FBXL2: variants seen among roughly 807,000 people sequenced by gnomAD.
The protein encoded by FBXL2 is F-box and leucine rich repeat protein 2, also known as F-box/LRR-repeat protein 2.
In FBXL2, 38 loss-of-function variants were observed where a neutral mutation model predicts 69.2. That is an observed-to-expected ratio of 0.55 (90% CI 0.42 to 0.72). The LOEUF (loss-of-function observed/expected upper bound fraction) is 0.72, where lower values mean the gene tolerates loss of function less well. Among genes scored for constraint, FBXL2 ranks in the 30% least tolerant of loss-of-function variants. FBXL2 has a pLI of 0.00. For missense variants in FBXL2, 354 were observed against 520.3 expected (o/e 0.68, Z 3.11); for synonymous variants, 192 against 201.3 (o/e 0.95, Z 0.39).
intron 4 of FBXL2, among the ~76,000 whole-genome samples, chr3:33,361,048 C>T (rs1429865220): frequency 6.8e-6 from 1 of 147,942 alleles, no homozygotes; most frequent in Non-Finnish European, 1.5e-5. Flanking sequence ...TCTCCTGCCT[C>T]AGCCTCCCAT....
At chr3:33,294,018 G>A (rs145829608) in intron 1 of FBXL2, among the ~76,000 whole-genome samples, 13 of 152,270 alleles carry the variant, frequency 8.5e-5, no homozygotes, top group Non-Finnish European at 1.6e-4. Flanking sequence ...ATAATACTAA[G>A]TATCTTCTTG....
chr3:33,377,441 G>A lies in FBXL2; in HGVS notation c.849+108G>A, dbSNP rs1005115921. 125 of 1,041,942 alleles carry A rather than the reference G, an allele frequency of 1.2e-4. No homozygotes were observed. The African/African-American group carries it at 1.7e-3, about 14-fold the overall frequency. 64.5% of individuals were successfully genotyped at this position (1,041,942 alleles called of 1,614,324 possible). A position where few individuals can be genotyped will look rare whatever the true frequency, so the allele number is the denominator to read the frequency against. ...AAAAGACTACCTTCAGAAAAGACAG[G>A]CACAAAGTAGAGTAGAACCCTTGGG... On this transcript the variant is annotated intron_variant, in intron 11 of 14. Transcript: ENST00000484457.
chr3:33,411,875 G>A, the FBXL2 span, among the ~76,000 whole-genome samples: 355 of 150,586 alleles, frequency 2.4e-3, no homozygotes, highest in African/African-American at 7.4e-3. Flanking sequence ...CCCCTACCAT[G>A]GTTTGTATTT....
chr3:33,377,871 T>C (rs2042747798), intron 11 of FBXL2, among the ~76,000 whole-genome samples: 1 of 152,152 alleles, frequency 6.6e-6, no homozygotes, highest in African/African-American at 2.4e-5. Flanking sequence ...TCTTTACAAG[T>C]TGAGAGAAGG....
chr3:33,364,699 T>G lies in FBXL2; in HGVS notation c.270T>G (p.Gly90=). The change falls in exon 5 of 15, where the codon GGT becomes GGG. Residue 90 remains glycine, a synonymous_variant. Coordinates refer to ENST00000484457, the MANE Select transcript of FBXL2 (RefSeq NM_012157.5). ...AGCTCAGCTTGCGAGGCTGCATTGG[T>G]GTTGGGGATTCCTCCTTGAAGTAAG... The part of the protein sequence containing the change: ...LRKLSLRGCI[G]VGDSSLKTFA... The G allele has an allele frequency of 6.2e-7, 1 of 1,614,038 alleles. No individual in the cohort carries two copies. Among genetic ancestry groups the G allele is most frequent in the Non-Finnish European group, 8.5e-7 (1 of 1,179,936 alleles).
chr3:33,300,262 T>C (rs570530991), intron 2 of FBXL2, among the ~76,000 whole-genome samples: 1 of 152,304 alleles, frequency 6.6e-6, no homozygotes, highest in African/African-American at 2.4e-5. Flanking sequence ...TGTCTGTTGA[T>C]ACCAAAAAAA....
At position 33,375,783 on chromosome 3, in the gene FBXL2, C is replaced by T. The variant is rs2042595783; in HGVS notation, c.788+365C>T. ...ATGAGCTTCTCCTCCAGAACTGCTGCCAAATGGACAGAATGAGGGGAATAT... is the reference window on the plus strand; with the variant it reads ...ATGAGCTTCTCCTCCAGAACTGCTGTCAAATGGACAGAATGAGGGGAATAT... On this transcript the variant is annotated intron_variant, in intron 10 of 14. Coordinates refer to ENST00000484457, the MANE Select transcript of FBXL2 (RefSeq NM_012157.5). Among the ~76,000 whole-genome samples, 3 of 152,136 alleles carry T rather than the reference C, an allele frequency of 2.0e-5. No individual in the cohort carries two copies. In the South Asian group the frequency reaches 6.2e-4, roughly 32 times the overall value.
At chr3:33,420,289 A>G in the FBXL2 span, among the ~76,000 whole-genome samples, 1 of 152,200 alleles carries the variant, frequency 6.6e-6, no homozygotes, top group Non-Finnish European at 1.5e-5. Context: ...TCCAATAAAC[A>G]TGCTGTTTCT....
rs2043513426 is a variant in FBXL2 at position 33,387,331 on chromosome 3, GT to G, written c.*1724del. 6.6e-6 allele frequency: 1 copy of G among 152,254 alleles called. No homozygotes were observed. Among genetic ancestry groups the G allele is most frequent in the African/African-American group, 2.4e-5 (1 of 41,466 alleles). 9.4% of individuals were successfully genotyped at this position (152,254 alleles called of 1,614,324 possible). On this transcript the variant is annotated 3_prime_UTR_variant, in exon 15 of 15. Coordinates refer to ENST00000484457, the MANE Select transcript of FBXL2 (RefSeq NM_012157.5). ...AAAAATTAACTTAAGGCTGGCCACG[GT>G]GGTTCATGCCTATAATCCCAGCACT...
At chr3:33,407,743 G>A (rs1014092915), downstream of FBXL2, among the ~76,000 whole-genome samples, 3 of 152,138 alleles carry the variant, frequency 2.0e-5, no homozygotes, top group Admixed American at 6.5e-5. Context: ...CAGCAATTGC[G>A]ATATGTGTAA....
chr3:33,285,248 T>C (rs1233792474), intron 1 of FBXL2, among the ~76,000 whole-genome samples: 2 of 152,200 alleles, frequency 1.3e-5, no homozygotes, highest in African/African-American at 4.8e-5. Context: ...GGTGACAAAA[T>C]CTCTCAGCAT....
rs138269886 is a variant in FBXL2, at chr3:33,277,459, C to T, written c.-54C>T. ...TGGCTGGCGTCACCAGGACAACGGG[C>T]GTCGCCGGCGCCGTGTGACTTCGGG... On this transcript the variant is annotated 5_prime_UTR_variant, in exon 1 of 15. Transcript: ENST00000484457. 18 of 1,265,094 alleles carry T rather than the reference C, an allele frequency of 1.4e-5. No homozygotes were observed. The highest frequency in any genetic ancestry group is 8.2e-5 in the Admixed American group (2 of 24,418). The allele number at this position is 1,265,094 out of a possible 1,614,324, so 78.4% of individuals were successfully genotyped here. A position where few individuals can be genotyped will look rare whatever the true frequency, so the allele number is the denominator to read the frequency against.
chr3:33,360,032 C>T (rs989363972), intron 4 of FBXL2, among the ~76,000 whole-genome samples: 4 of 152,068 alleles, frequency 2.6e-5, no homozygotes, highest in African/African-American at 9.7e-5. Context: ...AAAAAAAGAG[C>T]ATTGTACTTA....
downstream of FBXL2, chr3:33,388,415 T>C (rs1260666941): frequency 6.6e-6 from 1 of 152,638 alleles, no homozygotes; most frequent in Non-Finnish European, 1.5e-5. Context: ...ACAAATTTGC[T>C]GGTGCCAAAA....
At chr3:33,372,071 A>T (rs1387643371) in intron 5 of FBXL2, among the ~76,000 whole-genome samples, 1 of 152,050 alleles carries the variant, frequency 6.6e-6, no homozygotes, top group African/African-American at 2.4e-5. Context: ...GCATACATTG[A>T]TCAGTGTGGT....
intron 2 of FBXL2, among the ~76,000 whole-genome samples, chr3:33,340,919 AGAAGAG>A (rs1200003295): frequency 2.7e-5 from 4 of 145,844 alleles, no homozygotes; most frequent in Non-Finnish European, 4.5e-5. Context: ...AAAAAAAAAA[AGAAGAG>A]GAAGTATTTA....
chr3:33,385,465 T>C, intron 14 of FBXL2, 36 bp from the exon 15 acceptor site: 1 of 1,511,784 alleles, frequency 6.6e-7, no homozygotes, highest in African/African-American at 1.4e-5. Flanking sequence ...AAAATAGTAA[T>C]GTGTAAAGAC....
At chr3:33,406,774 C>A (rs2044439475), downstream of FBXL2, among the ~76,000 whole-genome samples, 1 of 152,170 alleles carries the variant, frequency 6.6e-6, no homozygotes, top group Non-Finnish European at 1.5e-5. Flanking sequence ...AACACAGTCC[C>A]TCCCCAGGTA....
chr3:33,363,953 G>A (rs2154043049), intron 4 of FBXL2, among the ~76,000 whole-genome samples: 1 of 152,188 alleles, frequency 6.6e-6, no homozygotes, highest in South Asian at 2.1e-4. Flanking sequence ...GGGCACCAAA[G>A]CGAGACCCCC....
Sources: gnomAD v4.1 joint callset for allele counts (sites outside exome capture counted in the v4.1 genomes callset) on GRCh38, gnomAD v4.1.1 for gene constraint, MANE v1.5 for transcripts, NCBI Gene and HGNC (gene_info 2026-07-23, HGNC 2026-07-21) for gene names.